TMEM132B: variants seen among roughly 807,000 people sequenced by gnomAD.
TMEM132B encodes the protein transmembrane protein 132B.
A neutral mutation model predicts 90.8 loss-of-function variants in TMEM132B; 18 were observed. The ratio of observed to expected loss-of-function variants is 0.20; its 90% CI spans 0.14 to 0.29. The LOEUF (loss-of-function observed/expected upper bound fraction) is 0.29, where lower values mean the gene tolerates loss of function less well. Among genes scored for constraint, TMEM132B ranks in the 10% least tolerant of loss-of-function variants. TMEM132B has a pLI of 1.00. For synonymous variants in TMEM132B, 504 were observed against 523.3 expected (o/e 0.96, Z 0.50); for missense variants, 1,096 against 1,326.8 (o/e 0.83, Z 2.70).
At chr12:125,298,239 G>C (rs544865456) in intron 1 of TMEM132B, among the ~76,000 whole-genome samples, 3 of 151,992 alleles carry the variant, frequency 2.0e-5, no homozygotes, top group Non-Finnish European at 4.4e-5. Flanking sequence ...GACAGAGTGA[G>C]ACCCTGTCTC....
chr12:125,325,370 G>A (rs1311951177), intron 1 of TMEM132B, among the ~76,000 whole-genome samples: 1 of 152,076 alleles, frequency 6.6e-6, no homozygotes, highest in African/African-American at 2.4e-5. Context: ...GCAGCGCCCA[G>A]GGGAAATGGG....
chr12:125,280,278 A>G (rs567237872), intron 1 of TMEM132B, among the ~76,000 whole-genome samples: 8 of 152,332 alleles, frequency 5.3e-5, no homozygotes, highest in South Asian at 4.1e-4. Context: ...GGATATGCCA[A>G]TTACCCTGAT....
At position 125,397,892 on chromosome 12, in the gene TMEM132B, T is replaced by C. The variant is rs1879211858; in HGVS notation, c.960-17639T>C. ...ACGGACTTGAAATTGTGGCAGGTGT[T>C]GATTTCATGACAGTGACACAGAATA... On this transcript the variant is annotated intron_variant, in intron 2 of 8. Transcript: ENST00000682704. Among the ~76,000 whole-genome samples the C allele has an allele frequency of 2.6e-5, 4 of 152,204 alleles. No homozygotes were observed. In the South Asian group the frequency reaches 8.3e-4, roughly 32 times the overall value.
chr12:125,515,721 C>CTCACACACAT (rs1462058498), intron 3 of TMEM132B, among the ~76,000 whole-genome samples: 3 of 151,906 alleles, frequency 2.0e-5, no homozygotes, highest in African/African-American at 7.3e-5. Context: ...TTCACACGTT[C>CTCACACACAT]TCACACACAT....
At chr12:125,516,080 C>T (rs565943781) in intron 3 of TMEM132B, among the ~76,000 whole-genome samples, 58 of 151,930 alleles carry the variant, frequency 3.8e-4, no homozygotes, top group African/African-American at 1.1e-3. Flanking sequence ...CACACTCTCA[C>T]GCTATCTCAC....
At chr12:125,273,610 T>G (rs533940176) in intron 1 of TMEM132B, among the ~76,000 whole-genome samples, 1 of 152,200 alleles carries the variant, frequency 6.6e-6, no homozygotes, top group South Asian at 2.1e-4. Flanking sequence ...AAAAGATTAT[T>G]TCTTTTACAT....
chr12:125,509,781 C>T (rs1054642767), intron 3 of TMEM132B, among the ~76,000 whole-genome samples: 26 of 152,158 alleles, frequency 1.7e-4, no homozygotes, highest in African/African-American at 6.3e-4. Context: ...GGTGAAGCTG[C>T]GAATGTTTGC....
chr12:125,628,499 T>A (rs1886286048), intron 5 of TMEM132B, among the ~76,000 whole-genome samples: 1 of 152,128 alleles, frequency 6.6e-6, no homozygotes, highest in Admixed American at 6.5e-5. Context: ...AATTATTCAA[T>A]TTTTTTCCAA....
At chr12:125,476,144 A>C (rs889757351) in intron 3 of TMEM132B, among the ~76,000 whole-genome samples, 1 of 152,224 alleles carries the variant, frequency 6.6e-6, no homozygotes, top group Admixed American at 6.5e-5. Flanking sequence ...CCATTTTGGT[A>C]AGGAAAATTA....
intron 2 of TMEM132B, among the ~76,000 whole-genome samples, chr12:125,378,649 T>G (rs1224488689): frequency 3.3e-5 from 5 of 151,902 alleles, no homozygotes. Flanking sequence ...TTCCTAGAGC[T>G]CCCACCCAGA....
intron 3 of TMEM132B, among the ~76,000 whole-genome samples, chr12:125,420,452 C>T (rs1167730279): frequency 1.3e-5 from 2 of 152,212 alleles, no homozygotes; most frequent in African/African-American, 4.8e-5. Flanking sequence ...TACTTTGGCC[C>T]CGTTTAGTCA....
At chr12:125,333,787 A>G (rs894768196) in intron 1 of TMEM132B, among the ~76,000 whole-genome samples, 2 of 152,202 alleles carry the variant, frequency 1.3e-5, no homozygotes, top group Admixed American at 6.5e-5. Flanking sequence ...GATTAATTCA[A>G]TTTTTAGAAA....
At chr12:125,549,971 A>G (rs971100845) in intron 4 of TMEM132B, among the ~76,000 whole-genome samples, 2 of 152,092 alleles carry the variant, frequency 1.3e-5, no homozygotes, top group African/African-American at 2.4e-5. Flanking sequence ...GTGGTCTTGG[A>G]GCTGGACCCT....
intron 3 of TMEM132B, among the ~76,000 whole-genome samples, chr12:125,479,447 G>A (rs1260381502): frequency 1.3e-5 from 2 of 152,140 alleles, no homozygotes; most frequent in African/African-American, 2.4e-5. Context: ...GCAAAGAAAA[G>A]CAGAGGCTGC....
chr12:125,375,975 G>T (rs906754199), intron 2 of TMEM132B, among the ~76,000 whole-genome samples: 1 of 152,204 alleles, frequency 6.6e-6, no homozygotes, highest in Non-Finnish European at 1.5e-5. Context: ...AGGTATTCCG[G>T]TACCACTTAC....
chr12:125,598,638 A>G (rs1322082994), intron 5 of TMEM132B, among the ~76,000 whole-genome samples: 1 of 152,226 alleles, frequency 6.6e-6, no homozygotes, highest in African/African-American at 2.4e-5. Context: ...TAATGTGCAA[A>G]TGAAAATCAT....
At chr12:125,346,050 C>T (rs1877351763) in intron 1 of TMEM132B, among the ~76,000 whole-genome samples, 1 of 152,176 alleles carries the variant, frequency 6.6e-6, no homozygotes, top group Non-Finnish European at 1.5e-5. Context: ...GAATAAGGCT[C>T]TGGTAGCTGA....
chr12:125,552,595 TC>T (rs1884262906), intron 4 of TMEM132B, among the ~76,000 whole-genome samples: 1 of 152,014 alleles, frequency 6.6e-6, no homozygotes, highest in African/African-American at 2.4e-5. Context: ...CCCGGGCCCC[TC>T]CCCATGCCTT....
intron 1 of TMEM132B, among the ~76,000 whole-genome samples, chr12:125,243,772 C>T (rs567434874): frequency 1.4e-4 from 21 of 152,304 alleles, no homozygotes; most frequent in East Asian, 3.9e-4. Context: ...TGAGTACCCC[C>T]GTTTAGCTCC....
Sources: allele counts gnomAD v4.1 joint callset (sites outside exome capture counted in the v4.1 genomes callset), GRCh38; gene constraint gnomAD v4.1.1; transcripts MANE v1.5; gene names NCBI Gene and HGNC (gene_info 2026-07-23, HGNC 2026-07-21).